The following LEPR variants were observed in gnomAD, a reference collection of about 807,000 sequenced individuals.
LEPR encodes leptin receptor.
LEPR carries 56 observed loss-of-function variants against 114.7 expected under a neutral mutation model. The observed-to-expected ratio is 0.49, with a 90% CI of 0.39 to 0.61. LEPR has a LOEUF of 0.61. Among genes scored for constraint, LEPR ranks in the 20% least tolerant of loss-of-function variants. LEPR has a pLI of 0.00. For missense variants in LEPR, 1,202 were observed against 1,352.9 expected (o/e 0.89, Z 1.75); for synonymous variants, 443 against 461.4 (o/e 0.96, Z 0.51).
chr1:65,571,814 A>T (rs1171666704), intron 4 of LEPR, among the ~76,000 whole-genome samples: 7 of 146,686 alleles, frequency 4.8e-5, no homozygotes, highest in Non-Finnish European at 1.1e-4. Context: ...AAAAAAAAAA[A>T]AAAAAATTAA....
chr1:65,502,433 A>G (rs1442344388), intron 2 of LEPR, among the ~76,000 whole-genome samples: 1 of 149,990 alleles, frequency 6.7e-6, no homozygotes, highest in Non-Finnish European at 1.5e-5. Flanking sequence ...CCAGACTGGC[A>G]TTTTTTTTTT....
chr1:65,440,328 C>A (rs1199653505), intron 2 of LEPR, among the ~76,000 whole-genome samples: 1 of 150,516 alleles, frequency 6.6e-6, no homozygotes, highest in African/African-American at 2.4e-5. Flanking sequence ...GTAAATAAAA[C>A]AGACAAAACC....
At chr1:65,420,802 G>T in intron 1 of LEPR, 62 bp downstream of exon 1, 2 of 1,543,442 alleles carry the variant, frequency 1.3e-6, no homozygotes, top group Admixed American at 2.0e-5. Flanking sequence ...TTCCGGTCAA[G>T]CCTGGGGCTG....
intron 2 of LEPR, among the ~76,000 whole-genome samples, chr1:65,468,224 T>C (rs764191125): frequency 6.6e-6 from 1 of 152,202 alleles, no homozygotes; most frequent in Non-Finnish European, 1.5e-5. Flanking sequence ...TAAGGAGACA[T>C]GCTGACTCAA....
At chr1:65,487,959 TTC>T (rs377719332) in intron 2 of LEPR, among the ~76,000 whole-genome samples, 7 of 151,412 alleles carry the variant, frequency 4.6e-5, no homozygotes, top group South Asian at 2.1e-4. Context: ...CTTCCTTTCT[TTC>T]TCTCTTTCTT....
chr1:65,531,875 C>T (rs538391325), intron 2 of LEPR, among the ~76,000 whole-genome samples: 8 of 146,876 alleles, frequency 5.4e-5, no homozygotes, highest in South Asian at 4.2e-4. Flanking sequence ...TGCTAGTATA[C>T]GAAGTTTCTT....
At chr1:65,607,790 G>A (rs938834834) in intron 11 of LEPR, among the ~76,000 whole-genome samples, 3 of 152,082 alleles carry the variant, frequency 2.0e-5, no homozygotes, top group Non-Finnish European at 4.4e-5. Flanking sequence ...GAACTTGGGG[G>A]AAAACTTATG....
intron 2 of LEPR, among the ~76,000 whole-genome samples, chr1:65,507,437 T>TTGTGTGTGTG (rs141990947): frequency 0.01 from 1,438 of 138,776 alleles, 19 homozygotes; most frequent in African/African-American, 0.026. Context: ...TAGTATTCCA[T>TTGTGTGTGTG]TGTGTGTGTG....
intron 19 of LEPR, chr1:65,634,113 G>C (rs1658626148): frequency 1.0e-6 from 1 of 985,160 alleles, no homozygotes; most frequent in Admixed American, 6.2e-5. Context: ...CAGACTGCTT[G>C]CTAGTTTTAT....
Position 65,598,707 on chromosome 1 carries a change from T to C in LEPR, c.897T>C (p.Leu299=). The C allele has an allele frequency of 6.2e-7, 1 of 1,613,532 alleles. No homozygotes were observed. Among genetic ancestry groups the C allele is most frequent in the Admixed American group, 1.7e-5 (1 of 59,964 alleles). Residue 299 remains leucine, a synonymous_variant, in exon 8 of 20, where the codon CTT becomes CTC. Transcript: ENST00000349533. ...SATSLLVDSI[L]PGSSYEVQVR... The stretch of plus-strand genomic sequence containing the variant: ...CATCCCTGCTAGTAGACAGTATACT[T>C]CCTGGGTCTTCGTATGAGGTTCAGG...
chr1:65,475,924 G>T (rs1647153594), intron 2 of LEPR, among the ~76,000 whole-genome samples: 1 of 151,622 alleles, frequency 6.6e-6, no homozygotes, highest in Non-Finnish European at 1.5e-5. Context: ...GCTTGAGGTG[G>T]GAGGATTGCC....
At chr1:65,592,603 C>G in intron 5 of LEPR, 54 bp from the exon 6 acceptor site, 1 of 1,589,362 alleles carries the variant, frequency 6.3e-7, no homozygotes, top group Non-Finnish European at 8.6e-7. Context: ...CTTTAAAAGC[C>G]TATCCAGTAT....
chr1:65,544,494 G>A (rs1651495271), intron 2 of LEPR, among the ~76,000 whole-genome samples: 1 of 152,000 alleles, frequency 6.6e-6, no homozygotes, highest in African/African-American at 2.4e-5. Flanking sequence ...CAGGAGTGGT[G>A]AGAGAGGGCA....
chr1:65,590,714 TA>T (rs1655638963), intron 5 of LEPR, among the ~76,000 whole-genome samples: 1 of 152,090 alleles, frequency 6.6e-6, no homozygotes, highest in South Asian at 2.1e-4. Context: ...CCTAGCAGCA[TA>T]AGAATGGACT....
intron 2 of LEPR, among the ~76,000 whole-genome samples, chr1:65,548,338 G>T (rs1379593044): frequency 5.3e-5 from 8 of 152,256 alleles, no homozygotes; most frequent in Middle Eastern, 3.4e-3. Flanking sequence ...TTGGTGCAGA[G>T]GTGAGTTCAA....
Position 65,507,280 on chromosome 1 carries a change from A to G in LEPR, c.-20-58266A>G, listed in dbSNP as rs1054654987. Among the ~76,000 whole-genome samples the G allele has an allele frequency of 2.1e-4, 32 of 151,982 alleles. 1 individual carries two copies. Among genetic ancestry groups the G allele is most frequent in the African/African-American group, 7.5e-4 (31 of 41,376 alleles). On this transcript the variant is annotated intron_variant, in intron 2 of 19. Coordinates refer to ENST00000349533, the MANE Select transcript of LEPR (RefSeq NM_002303.6). ...TGGCCAGGGTAGTCTCGAACTGCTG[A>G]AGTCAAGTGATCTGTCTGCCTCAGC...
At chr1:65,445,635 G>T (rs1646704259) in intron 2 of LEPR, among the ~76,000 whole-genome samples, 1 of 149,404 alleles carries the variant, frequency 6.7e-6, no homozygotes. Flanking sequence ...TAACTGAATA[G>T]AGTTTTTTTT....
intron 2 of LEPR, among the ~76,000 whole-genome samples, chr1:65,492,887 C>T (rs1028895731): frequency 2.3e-4 from 35 of 150,958 alleles, no homozygotes; most frequent in Non-Finnish European, 8.8e-5. Context: ...TTCTGGGATA[C>T]ATGTGCAGGA....
At chr1:65,433,358 A>G in intron 2 of LEPR, 1 of 985,402 alleles carries the variant, frequency 1.0e-6, no homozygotes, top group Non-Finnish European at 1.2e-6. Context: ...TAAATGAATC[A>G]TTGGGTATAC....
Sources: gnomAD v4.1 joint callset for allele counts (sites outside exome capture counted in the v4.1 genomes callset) on GRCh38, gnomAD v4.1.1 for gene constraint, MANE v1.5 for transcripts, NCBI Gene and HGNC (gene_info 2026-07-23, HGNC 2026-07-21) for gene names.